The following CCDC14 variants were observed in gnomAD, a reference collection of about 807,000 sequenced individuals.
CCDC14 encodes the protein coiled-coil domain-containing protein 14.
In CCDC14, 71 loss-of-function variants were observed where a neutral mutation model predicts 81.4. The ratio of observed to expected loss-of-function variants is 0.87; its 90% confidence interval spans 0.72 to 1.06. The LOEUF (loss-of-function observed/expected upper bound fraction) is 1.06. Among genes scored for constraint, CCDC14 ranks in the 50% least tolerant of loss-of-function variants. The pLI is 0.00. For synonymous variants in CCDC14, 332 were observed against 364.8 expected (o/e 0.91, Z 1.03); for missense variants, 1,046 against 1,047.3 (o/e 1.00, Z 0.02).
At chr3:123,946,772 C>A in intron 8 of CCDC14, 31 bp downstream of exon 8, 1 of 1,576,456 alleles carries the variant, frequency 6.3e-7, no homozygotes. Context: ...AGTATAACAC[C>A]ATACTACAGA....
chr3:123,910,982 G>A (rs2700371), downstream of CCDC14, among the ~76,000 whole-genome samples: 42,391 of 152,008 alleles, frequency 0.28, 11,416 homozygotes, highest in East Asian at 0.83. Flanking sequence ...AGAAATATCT[G>A]CAAGGTACAG....
intron 1 of CCDC14, 87 bp downstream of exon 1, chr3:123,961,057 C>T: frequency 1.7e-6 from 2 of 1,179,270 alleles, no homozygotes; most frequent in East Asian, 2.6e-5. Flanking sequence ...TGTCTTTTTT[C>T]GAGCAGAGTT....
Position 123,948,880 on chromosome 3 carries a change from C to T in CCDC14, c.589+16G>A, listed in dbSNP as rs371205068. 10 of 1,599,820 alleles carry T rather than the reference C, an allele frequency of 6.3e-6. No homozygotes were observed. The African/African-American group carries it at 1.3e-4, about 21-fold the overall frequency. On this transcript the variant is annotated intron_variant, in intron 6 of 12. Coordinates refer to ENST00000409697, the MANE Select transcript of CCDC14 (RefSeq NM_001366335.1). ...AGAACTTACACTCACGATTTTTAAA[C>T]AGCATTCGTACTCACCAGAATGAGA... is the stretch of plus-strand genomic sequence containing the variant.
chr3:123,926,807 T>C (rs1295316985), intron 12 of CCDC14, among the ~76,000 whole-genome samples: 1 of 152,050 alleles, frequency 6.6e-6, no homozygotes, highest in African/African-American at 2.4e-5. Context: ...CATTCAGAAA[T>C]TTTACAAAAT....
intron 12 of CCDC14, among the ~76,000 whole-genome samples, chr3:123,923,868 C>T (rs2035198076): frequency 6.6e-6 from 1 of 151,272 alleles, no homozygotes; most frequent in Non-Finnish European, 1.5e-5. Context: ...ATTCATGCTA[C>T]CCAAAATGAC....
intron 12 of CCDC14, among the ~76,000 whole-genome samples, chr3:123,920,273 A>G (rs534488662): frequency 6.6e-6 from 1 of 152,330 alleles, no homozygotes; most frequent in Non-Finnish European, 1.5e-5. Flanking sequence ...ATGAGATACC[A>G]TCTGAGAAAC....
In CCDC14 at chr3:123,915,152, A is replaced by C; in HGVS notation, c.2345T>G (p.Ile782Ser). The change falls in exon 13 of 13, where the codon ATC becomes AGC. Residue 782 changes from isoleucine (I) to serine (S), a missense_variant. Coordinates refer to ENST00000409697, the MANE Select transcript of CCDC14 (RefSeq NM_001366335.1). ...TGCTTCCTTTGTTGAAGAGGAACAG[A>C]TTACAGGTGTACACAGTTTATTTTC... Reference protein sequence around the residue: ...GKENKLCTPVICSSSTKEAED... With the variant: ...GKENKLCTPVSCSSSTKEAED... 1.2e-6 allele frequency: 2 copies of C among 1,613,914 alleles called. No individual in the cohort carries two copies. Among genetic ancestry groups the C allele is most frequent in the Non-Finnish European group, 1.7e-6 (2 of 1,179,840 alleles).
the CCDC14 span, among the ~76,000 whole-genome samples, chr3:123,886,983 A>G: frequency 6.6e-6 from 1 of 152,164 alleles, no homozygotes; most frequent in Non-Finnish European, 1.5e-5. Context: ...AAAAGGGAGG[A>G]TGAAATTAGA....
chr3:123,932,795 A>G (rs1476380258), intron 10 of CCDC14, among the ~76,000 whole-genome samples: 1 of 152,162 alleles, frequency 6.6e-6, no homozygotes, highest in African/African-American at 2.4e-5. Context: ...CTACTGCTAT[A>G]AATCTATCCT....
chr3:123,915,807 T>C (rs1218557287), intron 12 of CCDC14, 89 bp from the exon 13 acceptor site: 1 of 993,338 alleles, frequency 1.0e-6, no homozygotes, highest in South Asian at 1.8e-5. Flanking sequence ...AAAAAAGGAT[T>C]TGAGAGAAGT....
downstream of CCDC14, among the ~76,000 whole-genome samples, chr3:123,910,273 C>T (rs545874809): frequency 6.6e-6 from 1 of 152,242 alleles, no homozygotes; most frequent in East Asian, 1.9e-4. Context: ...AGATAGCCAA[C>T]TCAACCTTTG....
chr3:123,902,878 T>C (rs2148760312), intron 5 of CCDC14, among the ~76,000 whole-genome samples: 1 of 152,286 alleles, frequency 6.6e-6, no homozygotes, highest in African/African-American at 2.4e-5. Flanking sequence ...GGTATACATG[T>C]GCCATGGTGG....
intron 9 of CCDC14, among the ~76,000 whole-genome samples, chr3:123,944,323 A>G (rs997274840): frequency 5.3e-5 from 8 of 152,158 alleles, no homozygotes; most frequent in African/African-American, 1.4e-4. Context: ...CCTATAAAAT[A>G]TAAGTGGTAG....
chr3:123,929,459 C>T (rs1023616728), intron 12 of CCDC14, among the ~76,000 whole-genome samples: 2 of 152,000 alleles, frequency 1.3e-5, no homozygotes, highest in African/African-American at 4.8e-5. Context: ...TGCACGACCA[C>T]GCACAGCTAA....
In CCDC14 at chr3:123,914,546, C is replaced by T; in HGVS notation, c.*233G>A. ...AAGTACTGAAATAAAACATTACTTA[C>T]AATAATTTCCTAGTTATCCACAACT... On this transcript the variant is annotated 3_prime_UTR_variant, in exon 13 of 13. Transcript: ENST00000409697. 8.4e-7 allele frequency: 1 copy of T among 1,186,454 alleles called. No individual in the cohort carries two copies. The highest frequency in any genetic ancestry group is 1.0e-6 in the Non-Finnish European group (1 of 957,588). 73.5% of individuals were successfully genotyped at this position (1,186,454 alleles called of 1,614,324 possible).
At chr3:123,933,043 G>T (rs2035833733) in intron 10 of CCDC14, among the ~76,000 whole-genome samples, 1 of 152,088 alleles carries the variant, frequency 6.6e-6, no homozygotes, top group Non-Finnish European at 1.5e-5. Context: ...AGGTTGCAGT[G>T]AGACACGATC....
intron 9 of CCDC14, among the ~76,000 whole-genome samples, chr3:123,937,889 T>G (rs1461174256): frequency 1.3e-5 from 2 of 151,856 alleles, no homozygotes; most frequent in Non-Finnish European, 2.9e-5. Context: ...ACTCTCTCAT[T>G]GTTTCAGCAC....
chr3:123,921,431 C>G (rs1324370842), intron 12 of CCDC14, among the ~76,000 whole-genome samples: 4 of 152,026 alleles, frequency 2.6e-5, no homozygotes, highest in African/African-American at 9.7e-5. Flanking sequence ...TAAAAAGAAG[C>G]AAAGAAGGTC....
intron 12 of CCDC14, among the ~76,000 whole-genome samples, 181 bp from the exon 13 acceptor site, chr3:123,915,899 A>G (rs2034656964): frequency 6.6e-6 from 1 of 152,220 alleles, no homozygotes; most frequent in South Asian, 2.1e-4. Flanking sequence ...AATAATTAAA[A>G]TAACAATGAT....
Sources: allele counts gnomAD v4.1 joint callset (sites outside exome capture counted in the v4.1 genomes callset), GRCh38; gene constraint gnomAD v4.1.1; transcripts MANE v1.5; gene names NCBI Gene and HGNC (gene_info 2026-07-23, HGNC 2026-07-21).